Variants in NCK1 observed in about 807,000 individuals in gnomAD.
The protein encoded by NCK1 is NCK adaptor protein 1.
NCK1 carries 19 observed loss-of-function variants against 36.6 expected under a neutral mutation model. The ratio of observed to expected loss-of-function variants is 0.52; its 90% CI spans 0.36 to 0.76. The LOEUF is 0.76. Among genes scored for constraint, NCK1 ranks in the 30% least tolerant of loss-of-function variants. The pLI, the probability that NCK1 is intolerant of heterozygous loss-of-function variation, is 0.00. For synonymous variants in NCK1, 165 were observed against 156.0 expected (o/e 1.06, Z -0.43); for missense variants, 358 against 445.6 (o/e 0.80, Z 1.77).
intron 1 of NCK1, among the ~76,000 whole-genome samples, chr3:136,893,183 T>TTG (rs1939297230): frequency 5.6e-5 from 1 of 17,900 alleles, no homozygotes; most frequent in African/African-American, 1.4e-4. Flanking sequence ...TGTGTGTATA[T>TTG]ATATATATAC....
At chr3:136,874,313 T>C (rs1175443383) in intron 1 of NCK1, among the ~76,000 whole-genome samples, 3 of 152,120 alleles carry the variant, frequency 2.0e-5, no homozygotes, top group Admixed American at 2.0e-4. Flanking sequence ...GTAGGTGAGA[T>C]TACAGGCACT....
At chr3:136,928,796 T>G (rs181555680) in intron 2 of NCK1, 5,679 of 150,240 alleles carry the variant, frequency 0.038, 231 homozygotes, top group South Asian at 0.064. Flanking sequence ...TGGAGCCCAC[T>G]TCACACTGGA....
chr3:136,893,050 C>A (rs1939290293), intron 1 of NCK1, among the ~76,000 whole-genome samples: 1 of 149,514 alleles, frequency 6.7e-6, no homozygotes, highest in Non-Finnish European at 1.5e-5. Flanking sequence ...GTTTTCCATT[C>A]CTGAGTTACT....
chr3:136,892,314 A>T (rs117129740), intron 1 of NCK1, among the ~76,000 whole-genome samples: 1 of 152,190 alleles, frequency 6.6e-6, no homozygotes, highest in Non-Finnish European at 1.5e-5. Context: ...TCACTGTATT[A>T]ATTTAGTGTC....
Position 136,948,744 on chromosome 3 carries a change from T to G in NCK1, c.*291T>G, listed in dbSNP as rs1029206981. ...TTGTATTTTGTAAACAAAAATCAAA[T>G]AATGCATATCAGAATCTTTATATGG... is the stretch of plus-strand genomic sequence containing the variant. On this transcript the variant is annotated 3_prime_UTR_variant, in exon 4 of 4. Coordinates refer to ENST00000481752, the MANE Select transcript of NCK1 (RefSeq NM_001291999.2). 1 of 199,394 alleles carries G rather than the reference T, an allele frequency of 5.0e-6. No individual in the cohort carries two copies. The highest frequency in any genetic ancestry group is 5.8e-5 in the Admixed American group (1 of 17,210). 12.4% of individuals were successfully genotyped at this position (199,394 alleles called of 1,614,324 possible). A position where few individuals can be genotyped will look rare whatever the true frequency, so the allele number is the denominator to read the frequency against.
chr3:136,930,436 G>A (rs1288710130), intron 2 of NCK1: 2 of 1,236,326 alleles, frequency 1.6e-6, no homozygotes, highest in African/African-American at 1.6e-5. Context: ...TATTGCCTGG[G>A]TGTGGGCCAG....
intron 1 of NCK1, among the ~76,000 whole-genome samples, chr3:136,893,322 T>C (rs1233905436): frequency 1.4e-5 from 2 of 140,796 alleles, no homozygotes; most frequent in African/African-American, 5.2e-5. Context: ...ATCTATTTTT[T>C]GATTTTTTGA....
At position 136,899,079 on chromosome 3, in the gene NCK1, A is replaced by C. The variant is rs543159793; in HGVS notation, c.-18-28905A>C. 1.0e-4 allele frequency: 18 copies of C among 179,624 alleles called. No homozygotes were observed. In the South Asian group the frequency reaches 2.4e-3, roughly 24 times the overall value. The allele number at this position is 179,624 out of a possible 1,614,324, so 11.1% of individuals were successfully genotyped here. A position where few individuals can be genotyped will look rare whatever the true frequency, so the allele number is the denominator to read the frequency against. The stretch of plus-strand genomic sequence containing the variant: ...TCTGGTACCACAGTCAGCCTCTAGT[A>C]GCATTTGGATGCAAAGGTTTAACTG... On this transcript the variant is annotated intron_variant, in intron 1 of 3. Coordinates refer to ENST00000481752, the MANE Select transcript of NCK1 (RefSeq NM_001291999.2).
At chr3:136,927,324 G>A (rs532426815) in intron 1 of NCK1, among the ~76,000 whole-genome samples, 4 of 152,168 alleles carry the variant, frequency 2.6e-5, no homozygotes, top group African/African-American at 7.2e-5. Context: ...ATTGTCCTCT[G>A]TGGTAATGGG....
chr3:136,944,647 G>GT (rs1940764934), intron 2 of NCK1, among the ~76,000 whole-genome samples: 1 of 152,208 alleles, frequency 6.6e-6, no homozygotes, highest in Non-Finnish European at 1.5e-5. Flanking sequence ...AGGAAAGATA[G>GT]TATTAAGATC....
chr3:136,918,678 G>A (rs1055592782), intron 1 of NCK1, among the ~76,000 whole-genome samples: 6 of 152,094 alleles, frequency 3.9e-5, no homozygotes, highest in Non-Finnish European at 2.9e-5. Context: ...GAGATTTTTT[G>A]GTGATTATTT....
chr3:136,869,518 C>T (rs923060384), intron 1 of NCK1, among the ~76,000 whole-genome samples: 2 of 152,112 alleles, frequency 1.3e-5, no homozygotes, highest in African/African-American at 2.4e-5. Context: ...GCACTTTAGC[C>T]TGGGTGACAG....
chr3:136,920,712 G>GT (rs1940088575), intron 1 of NCK1, among the ~76,000 whole-genome samples: 1 of 152,038 alleles, frequency 6.6e-6, no homozygotes. Flanking sequence ...GACTACAAAC[G>GT]TAAGAGCAAT....
intron 2 of NCK1, among the ~76,000 whole-genome samples, chr3:136,943,074 A>G (rs952331489): frequency 2.0e-5 from 3 of 152,082 alleles, no homozygotes; most frequent in African/African-American, 7.2e-5. Context: ...TTAGGATGCG[A>G]TAGCACTCTC....
chr3:136,949,810 A>G lies in NCK1; in HGVS notation c.*1357A>G, dbSNP rs956179862. The G allele has an allele frequency of 1.3e-5, 2 of 150,542 alleles. No homozygotes were observed. Among genetic ancestry groups the G allele is most frequent in the Non-Finnish European group, 3.0e-5 (2 of 67,564 alleles). 9.3% of individuals were successfully genotyped at this position (150,542 alleles called of 1,614,324 possible). A position where few individuals can be genotyped will look rare whatever the true frequency, so the allele number is the denominator to read the frequency against. On this transcript the variant is annotated 3_prime_UTR_variant, in exon 4 of 4. Transcript: ENST00000481752. ...GATATCTAATACGCCAGAATTACTGATGGTAAAATTGAAGTTGTGTAACTT... is the reference window on the plus strand; with the variant it reads ...GATATCTAATACGCCAGAATTACTGGTGGTAAAATTGAAGTTGTGTAACTT...
intron 1 of NCK1, among the ~76,000 whole-genome samples, chr3:136,876,837 C>A (rs1474178654): frequency 6.6e-6 from 1 of 152,094 alleles, no homozygotes; most frequent in East Asian, 1.9e-4. Context: ...TCTGGATCTC[C>A]CTTCCTGCCT....
chr3:136,913,205 TTAAATCTGC>T (rs1285017448), intron 1 of NCK1, among the ~76,000 whole-genome samples: 1 of 152,198 alleles, frequency 6.6e-6, no homozygotes, highest in African/African-American at 2.4e-5. Flanking sequence ...AACTGGACAT[TTAAATCTGC>T]TAATGTGATA....
chr3:136,945,497 G>T (rs1940787525), intron 2 of NCK1, 86 bp from the exon 3 acceptor site: 2 of 953,410 alleles, frequency 2.1e-6, no homozygotes, highest in Non-Finnish European at 3.1e-6. Flanking sequence ...TAGAGTTGAA[G>T]ATCTCTTTTT....
At chr3:136,907,232 G>A (rs1479212522) in intron 1 of NCK1, among the ~76,000 whole-genome samples, 1 of 152,188 alleles carries the variant, frequency 6.6e-6, no homozygotes, top group East Asian at 1.9e-4. Flanking sequence ...TAGGGAGACA[G>A]TTGCTGCCAG....
Sources: allele counts gnomAD v4.1 joint callset (sites outside exome capture counted in the v4.1 genomes callset), GRCh38; gene constraint gnomAD v4.1.1; transcripts MANE v1.5; gene names NCBI Gene and HGNC (gene_info 2026-07-23, HGNC 2026-07-21).